Variants in KATNAL2 observed in about 807,000 individuals in gnomAD.
The protein encoded by KATNAL2 is katanin catalytic subunit A1 like 2, also known as katanin p60 ATPase-containing subunit A-like 2.
In KATNAL2, 52 loss-of-function variants were observed where a neutral mutation model predicts 76.3. The observed-to-expected ratio is 0.68, with a 90% confidence interval of 0.55 to 0.86. KATNAL2 has a LOEUF of 0.86. Ranked by LOEUF, KATNAL2 falls within the 40% of genes least tolerant of loss-of-function variation. The pLI is 0.00. For missense variants in KATNAL2, 660 were observed against 668.9 expected, an observed-to-expected ratio of 0.99 and a Z score of 0.15; for synonymous variants, 243 against 244.2, an observed-to-expected ratio of 1.00 and a Z score of 0.05.
intron 15 of KATNAL2, among the ~76,000 whole-genome samples, chr18:47,086,226 C>A (rs1375410449): frequency 6.6e-6 from 1 of 152,180 alleles, no homozygotes; most frequent in East Asian, 1.9e-4. Flanking sequence ...ATTTGAAAAC[C>A]TTTTGGAAGA....
rs2059026081 is a variant in KATNAL2, at chr18:46,934,353, G to A, written c.-509-11704G>A. ...ATGATCGCCATTCTAACTGGTGCGAGATGGTATCTCATTGTGGTTTTGATT... is the reference window on the plus strand; with the variant it reads ...ATGATCGCCATTCTAACTGGTGCGAAATGGTATCTCATTGTGGTTTTGATT... On this transcript the variant is annotated intron_variant, in intron 1 of 17. Coordinates refer to ENST00000683218, the MANE Select transcript of KATNAL2 (RefSeq NM_001387690.1). 2.6e-5 allele frequency among the ~76,000 whole-genome samples: 4 copies of A among 152,350 alleles called. No homozygotes were observed. In the South Asian group the frequency reaches 8.3e-4, roughly 32 times the overall value.
At chr18:47,043,195 C>T (rs560837135) in intron 3 of KATNAL2, among the ~76,000 whole-genome samples, 1 of 131,906 alleles carries the variant, frequency 7.6e-6, no homozygotes, top group Admixed American at 9.3e-5. Context: ...CCACTACACT[C>T]CAGCCCCGGC....
intron 3 of KATNAL2, chr18:47,034,556 A>T (rs761612577): frequency 6.8e-6 from 11 of 1,614,072 alleles, no homozygotes; most frequent in East Asian, 2.2e-5. Context: ...TGGGCACACA[A>T]GGGGCGTTTT....
intron 3 of KATNAL2, chr18:47,032,679 GA>G: frequency 2.5e-6 from 1 of 404,268 alleles, no homozygotes; most frequent in Non-Finnish European, 4.4e-6. Flanking sequence ...AAAAAGAAAG[GA>G]AAAAGGAAAT....
At chr18:46,931,885 G>T (rs1016466200) in intron 1 of KATNAL2, among the ~76,000 whole-genome samples, 1 of 151,742 alleles carries the variant, frequency 6.6e-6, no homozygotes, top group African/African-American at 2.4e-5. Context: ...TCTCTAGCAA[G>T]AATTTTCTTT....
At chr18:47,075,665 G>A (rs1472058920) in intron 14 of KATNAL2, among the ~76,000 whole-genome samples, 1 of 152,168 alleles carries the variant, frequency 6.6e-6, no homozygotes, top group Non-Finnish European at 1.5e-5. Flanking sequence ...CTGCCATATC[G>A]GTTCTGCTGG....
chr18:47,078,158 G>A (rs1488530244), intron 15 of KATNAL2, among the ~76,000 whole-genome samples: 1 of 152,102 alleles, frequency 6.6e-6, no homozygotes, highest in Non-Finnish European at 1.5e-5. Flanking sequence ...ATTCTCAGAG[G>A]GGACCAAGGT....
intron 8 of KATNAL2, among the ~76,000 whole-genome samples, chr18:47,061,089 T>G (rs2061617524): frequency 6.6e-6 from 1 of 152,246 alleles, no homozygotes; most frequent in Middle Eastern, 3.2e-3. Flanking sequence ...CCCTAGCATT[T>G]CATATGTCCA....
At chr18:46,934,335 C>A (rs1426829391) in intron 1 of KATNAL2, among the ~76,000 whole-genome samples, 4 of 152,190 alleles carry the variant, frequency 2.6e-5, no homozygotes, top group Admixed American at 6.5e-5. Flanking sequence ...TTAATGATCG[C>A]CATTCTAACT....
intron 13 of KATNAL2, among the ~76,000 whole-genome samples, chr18:47,074,268 C>T (rs760281065): frequency 6.6e-6 from 1 of 152,152 alleles, no homozygotes; most frequent in Non-Finnish European, 1.5e-5. Context: ...AATGTACCCA[C>T]GAGCAGTGGG....
At position 47,031,839 on chromosome 18, in the gene KATNAL2, C is replaced by G. The variant is rs535806593; in HGVS notation, c.52-14618C>G. Among the ~76,000 whole-genome samples, 36 of 152,220 alleles carry G rather than the reference C, an allele frequency of 2.4e-4. No homozygotes were observed. The South Asian group carries it at 7.5e-3, about 32-fold the overall frequency. On this transcript the variant is annotated intron_variant, in intron 3 of 17. Transcript: ENST00000683218. The stretch of plus-strand genomic sequence containing the variant: ...TCCCTTTTCCCAGAAAGAATGCTTT[C>G]TTGTCTTCCTGAAATGCAGTATCCC...
At chr18:47,058,057 G>A (rs1406009273) in intron 6 of KATNAL2, among the ~76,000 whole-genome samples, 178 bp from the exon 7 acceptor site, 1 of 152,228 alleles carries the variant, frequency 6.6e-6, no homozygotes, top group Non-Finnish European at 1.5e-5. Context: ...AGCCTGGAGG[G>A]TGTTAGGGCC....
chr18:46,956,103 T>TCAA, intron 3 of KATNAL2, among the ~76,000 whole-genome samples: 1 of 152,240 alleles, frequency 6.6e-6, no homozygotes, highest in Non-Finnish European at 1.5e-5. Flanking sequence ...CACACATGTT[T>TCAA]ATATATTCAA....
At chr18:46,947,459 C>T (rs2059415529) in intron 3 of KATNAL2, among the ~76,000 whole-genome samples, 1 of 152,056 alleles carries the variant, frequency 6.6e-6, no homozygotes, top group African/African-American at 2.4e-5. Context: ...CTCTACAATA[C>T]ATTAAGTGGT....
At chr18:47,097,693 A>G (rs534760827) in intron 15 of KATNAL2, among the ~76,000 whole-genome samples, 3 of 152,218 alleles carry the variant, frequency 2.0e-5, no homozygotes, top group Non-Finnish European at 4.4e-5. Flanking sequence ...TTGTCAGAAA[A>G]TGATGGAAGG....
intron 15 of KATNAL2, among the ~76,000 whole-genome samples, chr18:47,094,283 A>T (rs775698357): frequency 1.3e-5 from 2 of 152,188 alleles, no homozygotes; most frequent in Admixed American, 6.5e-5. Context: ...GACAATTATG[A>T]AATTTCTGTT....
chr18:46,936,918 G>T (rs1218328479), intron 1 of KATNAL2, among the ~76,000 whole-genome samples: 1 of 152,156 alleles, frequency 6.6e-6, no homozygotes, highest in Non-Finnish European at 1.5e-5. Context: ...TCATGCCATT[G>T]CACTCCAGCC....
chr18:47,067,263 A>C, intron 11 of KATNAL2, 144 bp downstream of exon 11: 1 of 425,418 alleles, frequency 2.4e-6, no homozygotes. Flanking sequence ...CACTTTCTCA[A>C]CCCTGGAGCA....
At chr18:47,037,621 T>C (rs889880044) in intron 3 of KATNAL2, among the ~76,000 whole-genome samples, 2 of 152,232 alleles carry the variant, frequency 1.3e-5, no homozygotes, top group African/African-American at 2.4e-5. Context: ...TTTATACCTT[T>C]AATTAAGAAA....
Sources: allele counts gnomAD v4.1 joint callset (sites outside exome capture counted in the v4.1 genomes callset), GRCh38; gene constraint gnomAD v4.1.1; transcripts MANE v1.5; gene names NCBI Gene and HGNC (gene_info 2026-07-23, HGNC 2026-07-21).